BLTP3A: variants seen among roughly 807,000 people sequenced by gnomAD.
BLTP3A encodes ICBP90 binding protein 1.
chr6:34,802,916 C>CTAT, the BLTP3A span, among the ~76,000 whole-genome samples: 1 of 152,176 alleles, frequency 6.6e-6, no homozygotes, highest in Non-Finnish European at 1.5e-5. Flanking sequence ...TGGCTTACAC[C>CTAT]TATAATCCTA....
the BLTP3A span, among the ~76,000 whole-genome samples, chr6:34,804,756 C>G: frequency 2.3e-4 from 35 of 152,228 alleles, 1 homozygote; most frequent in Admixed American, 3.3e-4. Flanking sequence ...TCTGAGGCAA[C>G]TGAAACATCT....
the BLTP3A span, chr6:34,835,226 G>A: frequency 2.0e-6 from 3 of 1,531,404 alleles, no homozygotes; most frequent in Non-Finnish European, 2.7e-6. Context: ...AACTGATTGG[G>A]CAACAGTCAC....
the BLTP3A span, among the ~76,000 whole-genome samples, chr6:34,868,554 C>T: frequency 6.6e-6 from 1 of 151,366 alleles, no homozygotes; most frequent in Admixed American, 6.6e-5. Context: ...GAAACCCCGT[C>T]TCTACTAAAA....
chr6:34,862,977 C>T, the BLTP3A span, among the ~76,000 whole-genome samples: 33,090 of 150,460 alleles, frequency 0.22, 4,386 homozygotes, highest in African/African-American at 0.37. Context: ...GGTGTGATCT[C>T]GGCTCACTGC....
At chr6:34,822,347 A>G in the BLTP3A span, among the ~76,000 whole-genome samples, 25 of 151,716 alleles carry the variant, frequency 1.6e-4, no homozygotes, top group Admixed American at 4.6e-4. Flanking sequence ...GGTTCAAGCA[A>G]TTCTCCTGCC....
chr6:34,855,771 C>T, the BLTP3A span: 2 of 1,602,386 alleles, frequency 1.2e-6, no homozygotes, highest in Admixed American at 1.7e-5. Flanking sequence ...TTCCTGGATT[C>T]ATCCCTGACC....
chr6:34,864,112 G>T, the BLTP3A span: 9 of 1,614,000 alleles, frequency 5.6e-6, no homozygotes, highest in Admixed American at 3.3e-5. Context: ...TCATTTGATG[G>T]TGTCTCATTG....
chr6:34,862,777 T>C, the BLTP3A span, among the ~76,000 whole-genome samples: 2 of 149,108 alleles, frequency 1.3e-5, no homozygotes, highest in East Asian at 2.0e-4. Flanking sequence ...GAGGTTGCAG[T>C]GAGCCGAGAT....
At chr6:34,793,706 T>C in the BLTP3A span, among the ~76,000 whole-genome samples, 2 of 152,142 alleles carry the variant, frequency 1.3e-5, no homozygotes, top group African/African-American at 2.4e-5. Flanking sequence ...ATGAGTCTGG[T>C]TTTGTGTAAA....
the BLTP3A span, chr6:34,872,532 C>T: frequency 7.0e-7 from 1 of 1,435,804 alleles, no homozygotes; most frequent in Non-Finnish European, 9.2e-7. Context: ...CTGAATAAGT[C>T]ACTACGGATG....
At chr6:34,839,978 T>C in the BLTP3A span, among the ~76,000 whole-genome samples, 1 of 152,242 alleles carries the variant, frequency 6.6e-6, no homozygotes, top group Non-Finnish European at 1.5e-5. Context: ...GAGCATAGCA[T>C]CAGCAGGGCA....
chr6:34,831,017 TATTA>T, the BLTP3A span, among the ~76,000 whole-genome samples: 7 of 152,200 alleles, frequency 4.6e-5, no homozygotes, highest in South Asian at 4.1e-4. Flanking sequence ...GTCTTTTTCT[TATTA>T]ATTTGTAGAA....
At chr6:34,818,648 T>C in the BLTP3A span, among the ~76,000 whole-genome samples, 1 of 152,076 alleles carries the variant, frequency 6.6e-6, no homozygotes, top group African/African-American at 2.4e-5. Flanking sequence ...GAAATAAGCG[T>C]TATCCATACA....
chr6:34,827,204 G>A, the BLTP3A span, among the ~76,000 whole-genome samples: 44 of 152,080 alleles, frequency 2.9e-4, no homozygotes, highest in African/African-American at 9.2e-4. Flanking sequence ...CCAGCTACTC[G>A]GGAGGCTGAG....
the BLTP3A span, chr6:34,864,340 A>G: frequency 2.2e-6 from 2 of 917,534 alleles, no homozygotes; most frequent in Non-Finnish European, 3.2e-6. Flanking sequence ...AAAGAGAGAC[A>G]GAGAAATTTT....
At chr6:34,820,638 T>TA in the BLTP3A span, among the ~76,000 whole-genome samples, 1 of 149,694 alleles carries the variant, frequency 6.7e-6, no homozygotes, top group Non-Finnish European at 1.5e-5. Flanking sequence ...TTTTAAATGT[T>TA]ATTCATGGAC....
chr6:34,796,372 C>T, the BLTP3A span, among the ~76,000 whole-genome samples: 1 of 152,264 alleles, frequency 6.6e-6, no homozygotes, highest in East Asian at 1.9e-4. Context: ...TACCCTAGGC[C>T]AGGCACTAAT....
chr6:34,872,467 G>A, the BLTP3A span: 8 of 1,591,380 alleles, frequency 5.0e-6, no homozygotes, highest in Non-Finnish European at 6.8e-6. Context: ...CTGTGCCAAG[G>A]AGAGAGGCTA....
At chr6:34,871,790 C>T in the BLTP3A span, 2 of 1,612,476 alleles carry the variant, frequency 1.2e-6, no homozygotes, top group South Asian at 2.2e-5. Context: ...AGCAGTTTGT[C>T]ACTTAGAACC....
Sources: gnomAD v4.1 joint callset for allele counts (sites outside exome capture counted in the v4.1 genomes callset) on GRCh38, gnomAD v4.1.1 for gene constraint, MANE v1.5 for transcripts, NCBI Gene and HGNC (gene_info 2026-07-23, HGNC 2026-07-21) for gene names.